Variants in SLC2A13 observed in about 807,000 individuals in gnomAD.
SLC2A13 encodes solute carrier family 2 member 13.
Under a neutral mutation model 64.4 loss-of-function variants are expected in SLC2A13, and 32 were observed. The observed-to-expected ratio is 0.50, with a 90% CI of 0.37 to 0.67. The LOEUF is 0.67. Ranked by LOEUF, SLC2A13 falls within the 30% of genes least tolerant of loss-of-function variation. The probability of loss-of-function intolerance (pLI) is 0.00; values close to 1 mark genes in which losing one functional copy is unlikely to be tolerated. For missense variants in SLC2A13, 743 were observed against 829.2 expected, an observed-to-expected ratio of 0.90 and a Z score of 1.28; for synonymous variants, 338 against 327.1, an observed-to-expected ratio of 1.03 and a Z score of -0.36.
At chr12:40,075,324 A>G (rs188384415) in intron 1 of SLC2A13, among the ~76,000 whole-genome samples, 16 of 152,272 alleles carry the variant, frequency 1.1e-4, no homozygotes, top group Admixed American at 9.8e-4. Context: ...TATACAAGCA[A>G]TGTTTCCCAT....
intron 4 of SLC2A13, among the ~76,000 whole-genome samples, chr12:39,888,329 A>G (rs1014437522): frequency 7.9e-5 from 12 of 152,128 alleles, no homozygotes; most frequent in Non-Finnish European, 1.6e-4. Context: ...GGTTCAAGCA[A>G]TTCTCCTGTC....
chr12:39,985,460 TCA>T (rs148963099), intron 3 of SLC2A13, among the ~76,000 whole-genome samples: 4,884 of 152,212 alleles, frequency 0.032, 111 homozygotes, highest in Middle Eastern at 0.071. Flanking sequence ...AATGATTTAT[TCA>T]CAGTGTGTCT....
At chr12:40,082,339 T>C (rs1005400033) in intron 1 of SLC2A13, among the ~76,000 whole-genome samples, 3 of 152,264 alleles carry the variant, frequency 2.0e-5, no homozygotes, top group Admixed American at 1.3e-4. Context: ...ATCTGCCTGC[T>C]GTTGCTTACT....
At chr12:39,943,693 C>T (rs779480072) in intron 4 of SLC2A13, among the ~76,000 whole-genome samples, 1 of 152,144 alleles carries the variant, frequency 6.6e-6, no homozygotes, top group Non-Finnish European at 1.5e-5. Flanking sequence ...TGCTGGGCTC[C>T]GTGGGGTGGG....
At chr12:40,044,395 C>T (rs879098279) in intron 2 of SLC2A13, among the ~76,000 whole-genome samples, 15 of 152,012 alleles carry the variant, frequency 9.9e-5, no homozygotes, top group Middle Eastern at 6.8e-3. Context: ...TTGATTGTGG[C>T]GATGGTTGCA....
chr12:39,872,587 C>G (rs1308617901), intron 4 of SLC2A13, among the ~76,000 whole-genome samples: 1 of 152,186 alleles, frequency 6.6e-6, no homozygotes, highest in Non-Finnish European at 1.5e-5. Flanking sequence ...TCTGTAGACT[C>G]ATTTCGTGCT....
At chr12:39,805,419 G>C (rs1466688219) in intron 7 of SLC2A13, among the ~76,000 whole-genome samples, 1 of 152,054 alleles carries the variant, frequency 6.6e-6, no homozygotes, top group Non-Finnish European at 1.5e-5. Context: ...AAGGAAGTGG[G>C]AATCTGGGTA....
At chr12:39,912,688 A>G (rs1405512458) in intron 4 of SLC2A13, among the ~76,000 whole-genome samples, 2 of 152,058 alleles carry the variant, frequency 1.3e-5, no homozygotes, top group African/African-American at 4.8e-5. Context: ...AGTGCCATCC[A>G]GAAACTACAT....
intron 4 of SLC2A13, among the ~76,000 whole-genome samples, chr12:39,876,538 T>TA (rs974669180): frequency 5.9e-5 from 9 of 152,116 alleles, no homozygotes; most frequent in Non-Finnish European, 1.2e-4. Flanking sequence ...ATAATTATAT[T>TA]AAAAAACACC....
chr12:39,854,642 C>G (rs2135902860), intron 6 of SLC2A13, among the ~76,000 whole-genome samples: 1 of 152,298 alleles, frequency 6.6e-6, no homozygotes, highest in Non-Finnish European at 1.5e-5. Flanking sequence ...ACACAGAAAA[C>G]TCTTTGTAAA....
intron 4 of SLC2A13, among the ~76,000 whole-genome samples, chr12:39,933,351 C>T (rs1255044788): frequency 6.6e-6 from 1 of 152,150 alleles, no homozygotes; most frequent in Non-Finnish European, 1.5e-5. Flanking sequence ...GCAGGAAGAC[C>T]AGTTGGAAGG....
chr12:39,940,581 G>T (rs1167624953), intron 4 of SLC2A13, among the ~76,000 whole-genome samples: 1 of 151,972 alleles, frequency 6.6e-6, no homozygotes, highest in Non-Finnish European at 1.5e-5. Flanking sequence ...ATAAATCAAA[G>T]AACTTAGCTA....
At chr12:39,846,122 T>C (rs1943304355) in intron 6 of SLC2A13, among the ~76,000 whole-genome samples, 1 of 152,174 alleles carries the variant, frequency 6.6e-6, no homozygotes. Flanking sequence ...AATCAACAAT[T>C]CATCTTAGAA....
intron 9 of SLC2A13, among the ~76,000 whole-genome samples, chr12:39,763,653 G>A (rs1940245931): frequency 6.6e-6 from 1 of 152,026 alleles, no homozygotes; most frequent in South Asian, 2.1e-4. Flanking sequence ...AGCTCTTCTG[G>A]GAGAATGGTC....
intron 7 of SLC2A13, among the ~76,000 whole-genome samples, chr12:39,766,570 A>C (rs6581321): frequency 0.97 from 147,820 of 152,018 alleles, 71,868 homozygotes; most frequent in East Asian, 1. Context: ...GGAAGTTTGC[A>C]AAATTGACTG....
rs1941714740 is a variant in SLC2A13, at chr12:39,799,661, G to A, written c.1445+30442C>T. On this transcript the variant is annotated intron_variant, in intron 7 of 9. Coordinates refer to ENST00000280871, the MANE Select transcript of SLC2A13 (RefSeq NM_052885.4). ...AAAAATCAAGACCACAAAACAGTAT[G>A]TACAATTAATAGCAATTCAAATGGT... 2.0e-5 allele frequency among the ~76,000 whole-genome samples: 3 copies of A among 152,174 alleles called. No individual in the cohort carries two copies. The South Asian group carries it at 6.2e-4, about 31-fold the overall frequency.
chr12:39,810,146 C>T (rs1280552366), intron 7 of SLC2A13, among the ~76,000 whole-genome samples: 3 of 152,308 alleles, frequency 2.0e-5, no homozygotes, highest in East Asian at 1.9e-4. Context: ...GAAGAACCGA[C>T]ATCTTAACCA....
At chr12:39,944,471 C>T (rs956635303) in intron 4 of SLC2A13, among the ~76,000 whole-genome samples, 3 of 151,976 alleles carry the variant, frequency 2.0e-5, no homozygotes, top group Admixed American at 1.3e-4. Flanking sequence ...TATTGTGTTG[C>T]TGTCTATCTC....
intron 7 of SLC2A13, among the ~76,000 whole-genome samples, chr12:39,785,250 C>T (rs1179853444): frequency 6.6e-6 from 1 of 152,140 alleles, no homozygotes; most frequent in African/African-American, 2.4e-5. Flanking sequence ...ATGCTGTGTG[C>T]AGCCTAGAGA....
Sources: allele counts gnomAD v4.1 joint callset (sites outside exome capture counted in the v4.1 genomes callset), GRCh38; gene constraint gnomAD v4.1.1; transcripts MANE v1.5; gene names NCBI Gene and HGNC (gene_info 2026-07-23, HGNC 2026-07-21).